FARSB: variants seen among roughly 807,000 people sequenced by gnomAD.
FARSB encodes phenylalanyl-tRNA synthetase subunit beta.
A neutral mutation model predicts 69.6 loss-of-function variants in FARSB; 40 were observed. The observed-to-expected ratio is 0.57, with a 90% CI of 0.45 to 0.75. FARSB has a LOEUF of 0.75. FARSB is among the 30% of genes least tolerant of loss of function. FARSB has a pLI of 0.00. For missense variants in FARSB, 632 were observed against 722.9 expected (o/e 0.87, Z 1.44); for synonymous variants, 235 against 247.2 (o/e 0.95, Z 0.46).
Position 222,633,315 on chromosome 2 carries a change from C to G in FARSB, c.607-8G>C. ...TTTCAGGTGATTGTCAGTCTGAAAA[C>G]AAATTAAGTCAAATAAAATTAGTTT... On this transcript the variant is annotated splice_polypyrimidine_tract_variant and splice_region_variant and intron_variant, in intron 6 of 16. Coordinates refer to ENST00000281828, the MANE Select transcript of FARSB (RefSeq NM_005687.5). The G allele has an allele frequency of 8.2e-7, 1 of 1,224,886 alleles. No individual in the cohort carries two copies. The highest frequency in any genetic ancestry group is 2.4e-5 in the East Asian group (1 of 41,440). The allele number at this position is 1,224,886 out of a possible 1,614,324, so 75.9% of individuals were successfully genotyped here. A position where few individuals can be genotyped will look rare whatever the true frequency, so the allele number is the denominator to read the frequency against.
rs190316815 is a variant in FARSB, at chr2:222,601,000, T to C, written c.1463-917A>G. On this transcript the variant is annotated intron_variant, in intron 15 of 16. Coordinates refer to ENST00000281828, the MANE Select transcript of FARSB (RefSeq NM_005687.5). ...TGGGTGAATCTTGAGGACATTATGC[T>C]AAATTAAATAAGCCACTCACAGTAA... is the stretch of plus-strand genomic sequence containing the variant. Among the ~76,000 whole-genome samples the C allele has an allele frequency of 1.4e-3, 218 of 152,346 alleles. 1 individual carries two copies. Among genetic ancestry groups the C allele is most frequent in the Admixed American group, 0.012 (190 of 15,296 alleles).
chr2:222,617,563 C>T (rs892439920), intron 14 of FARSB, among the ~76,000 whole-genome samples: 4 of 152,196 alleles, frequency 2.6e-5, no homozygotes, highest in East Asian at 1.9e-4. Flanking sequence ...ATTAGACCCA[C>T]GCATGTACTA....
At chr2:222,589,151 T>G (rs1192362989) in intron 16 of FARSB, among the ~76,000 whole-genome samples, 1 of 152,008 alleles carries the variant, frequency 6.6e-6, no homozygotes. Flanking sequence ...CATGGTACTG[T>G]TACCAAAACA....
chr2:222,611,986 C>G (rs1282023256), intron 15 of FARSB, among the ~76,000 whole-genome samples: 1 of 152,162 alleles, frequency 6.6e-6, no homozygotes, highest in African/African-American at 2.4e-5. Flanking sequence ...ATTAACCTAA[C>G]CCTGATTTAT....
intron 10 of FARSB, among the ~76,000 whole-genome samples, chr2:222,628,319 A>G (rs1475128238): frequency 6.6e-6 from 1 of 152,234 alleles, no homozygotes; most frequent in East Asian, 1.9e-4. Flanking sequence ...TCCCAACACA[A>G]CAAAATAATA....
chr2:222,600,001 C>T lies in FARSB; in HGVS notation c.1545G>A (p.Leu515=), dbSNP rs781076183. 1.2e-6 allele frequency: 2 copies of T among 1,612,440 alleles called. No homozygotes were observed. The highest frequency in any genetic ancestry group is 8.5e-7 in the Non-Finnish European group (1 of 1,179,570). ...NPGFEIIHGL[L]DRIMQLLDVP... is the part of the protein sequence containing the mutation. Reference sequence around the variant, plus strand: ...CATCGAGCAACTGCATAATTCTGTCCAGCAGCCCATGAATGATCTCAAACC... The same window carrying T: ...CATCGAGCAACTGCATAATTCTGTCTAGCAGCCCATGAATGATCTCAAACC... The change falls in exon 16 of 17, where the codon CTG becomes CTA. Residue 515 remains leucine, a synonymous_variant. Transcript: ENST00000281828.
At chr2:222,574,823 T>G (rs368239150) in intron 16 of FARSB, among the ~76,000 whole-genome samples, 2 of 152,228 alleles carry the variant, frequency 1.3e-5, no homozygotes, top group African/African-American at 4.8e-5. Context: ...GTCCTCCTCA[T>G]ACACAAATTA....
At chr2:222,642,243 C>T (rs1252052554) in intron 3 of FARSB, among the ~76,000 whole-genome samples, 1 of 152,212 alleles carries the variant, frequency 6.6e-6, no homozygotes, top group African/African-American at 2.4e-5. Context: ...TCAAGTGATC[C>T]ACCAGCCTCG....
At chr2:222,637,173 C>T (rs1284681002) in intron 5 of FARSB, among the ~76,000 whole-genome samples, 2 of 152,002 alleles carry the variant, frequency 1.3e-5, no homozygotes, top group African/African-American at 4.8e-5. Flanking sequence ...CTGAAACAAC[C>T]GAAGAGCAAA....
intron 1 of FARSB, among the ~76,000 whole-genome samples, chr2:222,651,327 A>G (rs1208113950): frequency 6.6e-6 from 1 of 152,244 alleles, no homozygotes; most frequent in Non-Finnish European, 1.5e-5. Context: ...AAAAGAGATA[A>G]GCTAAAGGAA....
In FARSB at chr2:222,656,029, C is replaced by G. The variant is rs1248049521; in HGVS notation, c.45G>C (p.Leu15=). ...GCCGCCACTCACTGTAGGTGCGGCC[C>G]AGGGCTTGGAAGAGCAGATCACGCT... ...SVKRDLLFQA[L]GRTYTDEEFD... is the part of the protein sequence containing the mutation. Residue 15 remains leucine, a synonymous_variant, in exon 1 of 17, where the codon CTG becomes CTC. Coordinates refer to ENST00000281828, the MANE Select transcript of FARSB (RefSeq NM_005687.5). 5.0e-6 allele frequency: 8 copies of G among 1,597,314 alleles called. No individual in the cohort carries two copies.
intron 16 of FARSB, among the ~76,000 whole-genome samples, chr2:222,594,269 C>T (rs954615710): frequency 1.3e-5 from 2 of 151,842 alleles, no homozygotes; most frequent in Non-Finnish European, 2.9e-5. Flanking sequence ...TTTACTTTTG[C>T]TAAAATAAGT....
intron 2 of FARSB, among the ~76,000 whole-genome samples, chr2:222,644,910 A>C (rs1434716441): frequency 2.0e-5 from 3 of 152,016 alleles, no homozygotes; most frequent in African/African-American, 7.2e-5. Context: ...AGTTTGCTGC[A>C]GGTAACCAAA....
intron 9 of FARSB, among the ~76,000 whole-genome samples, chr2:222,629,636 CTT>C (rs1168240832): frequency 1.3e-5 from 2 of 152,218 alleles, no homozygotes; most frequent in Admixed American, 1.3e-4. Flanking sequence ...TTTTAAAGTA[CTT>C]AATGCTTATG....
At position 222,569,056 on chromosome 2, in the gene FARSB, C is replaced by T. The variant is rs758560201; in HGVS notation, c.*2815G>A. Reference sequence around the variant, plus strand: ...TGCCCTGGCTCCAGTTCAAATGCTTCACCAGGGACAAGTGTAAGATGATCT... The same window carrying T: ...TGCCCTGGCTCCAGTTCAAATGCTTTACCAGGGACAAGTGTAAGATGATCT... On this transcript the variant is annotated 3_prime_UTR_variant, in exon 17 of 17. Coordinates refer to ENST00000281828, the MANE Select transcript of FARSB (RefSeq NM_005687.5). The T allele has an allele frequency of 6.6e-6, 1 of 152,228 alleles. No individual in the cohort carries two copies. The highest frequency in any genetic ancestry group is 1.5e-5 in the Non-Finnish European group (1 of 68,038). 9.4% of individuals were successfully genotyped at this position (152,228 alleles called of 1,614,324 possible).
chr2:222,638,673 C>G (rs1691644042), intron 5 of FARSB, among the ~76,000 whole-genome samples: 1 of 152,174 alleles, frequency 6.6e-6, no homozygotes, highest in African/African-American at 2.4e-5. Context: ...TATCCTGTCC[C>G]TAGCCCATCC....
At chr2:222,629,433 G>C (rs1265606542) in intron 9 of FARSB, among the ~76,000 whole-genome samples, 1 of 152,116 alleles carries the variant, frequency 6.6e-6, no homozygotes, top group Admixed American at 6.5e-5. Context: ...ACCGACATGG[G>C]ATACATGCTT....
At chr2:222,630,753 T>C (rs1296338756) in intron 8 of FARSB, among the ~76,000 whole-genome samples, 1 of 152,206 alleles carries the variant, frequency 6.6e-6, no homozygotes, top group African/African-American at 2.4e-5. Context: ...ATTTCACTCC[T>C]ATATATACAG....
chr2:222,629,059 T>C (rs1213781325), intron 9 of FARSB, among the ~76,000 whole-genome samples, 171 bp from the exon 10 acceptor site: 1 of 152,194 alleles, frequency 6.6e-6, no homozygotes, highest in Non-Finnish European at 1.5e-5. Context: ...AATAATACTC[T>C]ACTGTTTCAT....
Sources: gnomAD v4.1 joint callset for allele counts (sites outside exome capture counted in the v4.1 genomes callset) on GRCh38, gnomAD v4.1.1 for gene constraint, MANE v1.5 for transcripts, NCBI Gene and HGNC (gene_info 2026-07-23, HGNC 2026-07-21) for gene names.